SLC18A1: variants seen among roughly 807,000 people sequenced by gnomAD.
SLC18A1 encodes the protein chromaffin granule amine transporter.
In SLC18A1, 69 loss-of-function variants were observed where a neutral mutation model predicts 53.7. The ratio of observed to expected loss-of-function variants is 1.28; its 90% CI spans 1.06 to 1.57. The LOEUF is 1.57. Ranked by LOEUF, SLC18A1 falls within the 40% of genes most tolerant of loss-of-function variation. The pLI, the probability that SLC18A1 is intolerant of heterozygous loss-of-function variation, is 0.00. For missense variants in SLC18A1, 932 were observed against 668.1 expected, an observed-to-expected ratio of 1.40 and a Z score of -4.35; for synonymous variants, 320 against 248.1, an observed-to-expected ratio of 1.29 and a Z score of -2.72.
At chr8:20,175,226 A>C (rs2072226315) in intron 4 of SLC18A1, 1 of 152,264 alleles carries the variant, frequency 6.6e-6, no homozygotes, top group East Asian at 1.9e-4. Flanking sequence ...CTCCCTGAAC[A>C]TCTCCATTAT....
chr8:20,172,565 C>T lies in SLC18A1; in HGVS notation c.724+471G>A, dbSNP rs113999103. On this transcript the variant is annotated intron_variant, in intron 6 of 15. Transcript: ENST00000276373. ...TCGTTTGGGGCTTGGGTTTCCAAGC[C>T]CAGAAAATCGGAGTCTGTATCCTGG... Among the ~76,000 whole-genome samples, 626 of 152,154 alleles carry T rather than the reference C, an allele frequency of 4.1e-3. 7 individuals are homozygous for T. The highest frequency in any genetic ancestry group is 0.014 in the African/African-American group (598 of 41,492).
chr8:20,155,809 A>G (rs949469608), intron 10 of SLC18A1, among the ~76,000 whole-genome samples: 1 of 152,144 alleles, frequency 6.6e-6, no homozygotes. Context: ...CTTAGGCACC[A>G]AGGCTATGAA....
chr8:20,168,442 A>T (rs113446736), intron 8 of SLC18A1, among the ~76,000 whole-genome samples: 1 of 152,158 alleles, frequency 6.6e-6, no homozygotes, highest in Admixed American at 6.5e-5. Flanking sequence ...TGATAATATC[A>T]GATAAATAAA....
intron 8 of SLC18A1, among the ~76,000 whole-genome samples, chr8:20,165,540 C>T (rs1285385487): frequency 6.6e-6 from 1 of 152,204 alleles, no homozygotes; most frequent in Non-Finnish European, 1.5e-5. Flanking sequence ...GAAGCCATAA[C>T]TCAGAAAGCC....
intron 10 of SLC18A1, among the ~76,000 whole-genome samples, chr8:20,154,032 G>A (rs564881079): frequency 6.6e-6 from 1 of 152,118 alleles, no homozygotes; most frequent in Non-Finnish European, 1.5e-5. Context: ...TGCTCTGTAA[G>A]TTCACACAAG....
rs112212002 is a variant in SLC18A1 at position 20,178,405 on chromosome 8, A to C, written c.547+30T>G. ...TGATAAAATCAAAGGTAATCAGTGAAGGGAAGAAAAGAGGAAGCAAATTAC... is the reference window on the plus strand; with the variant it reads ...TGATAAAATCAAAGGTAATCAGTGACGGGAAGAAAAGAGGAAGCAAATTAC... On this transcript the variant is annotated intron_variant, in intron 4 of 15. Transcript: ENST00000276373. 5 of 1,575,504 alleles carry C rather than the reference A, an allele frequency of 3.2e-6. No individual in the cohort carries two copies. The African/African-American group carries it at 5.4e-5, about 17-fold the overall frequency.
chr8:20,149,769 C>A lies in SLC18A1; in HGVS notation c.1095-42G>T, dbSNP rs1222646538. On this transcript the variant is annotated intron_variant, in intron 11 of 15. Transcript: ENST00000276373. ...ATCATCAAACACCACTAGGGGAGAG[C>A]TCCCCTCCACCTGTACCCCATCACC... is the stretch of plus-strand genomic sequence containing the variant. 1.9e-6 allele frequency: 3 copies of A among 1,593,058 alleles called. No homozygotes were observed. In the Admixed American group the frequency reaches 5.0e-5, roughly 27 times the overall value.
chr8:20,157,657 A>T (rs2071716974), intron 10 of SLC18A1, among the ~76,000 whole-genome samples: 1 of 152,204 alleles, frequency 6.6e-6, no homozygotes, highest in Non-Finnish European at 1.5e-5. Context: ...ATCTTAAAAG[A>T]TAAGTTTATC....
chr8:20,146,811 T>G (rs1321081086), intron 15 of SLC18A1, among the ~76,000 whole-genome samples: 5 of 112,026 alleles, frequency 4.5e-5, no homozygotes, highest in Non-Finnish European at 5.3e-5. Context: ...GCAACAAGAG[T>G]GAAACTCCAT....
At chr8:20,177,011 G>T (rs553159371) in intron 4 of SLC18A1, among the ~76,000 whole-genome samples, 4 of 152,212 alleles carry the variant, frequency 2.6e-5, no homozygotes, top group Non-Finnish European at 5.9e-5. Context: ...CATTCTTTAT[G>T]TGACTATGGC....
rs2072256737 is a variant in SLC18A1, at chr8:20,176,535, A to AT, written c.547+1899dup. 2.6e-5 allele frequency among the ~76,000 whole-genome samples: 4 copies of AT among 152,150 alleles called. No homozygotes were observed. In the South Asian group the frequency reaches 8.3e-4, roughly 32 times the overall value. ...TCTATTTAGGAATACCAAAGCAATTATTTTTTTCACTTTGGACCCTTTACA... is the reference window on the plus strand; with the variant it reads ...TCTATTTAGGAATACCAAAGCAATTATTTTTTTTCACTTTGGACCCTTTACA... On this transcript the variant is annotated intron_variant, in intron 4 of 15. Coordinates refer to ENST00000276373, the MANE Select transcript of SLC18A1 (RefSeq NM_003053.4).
rs1043278090 is a variant in SLC18A1 at position 20,145,450 on chromosome 8, C to A, written c.*313G>T. ...TTCAGGGGCACATTACTCACTACCA[C>A]CTCTATGCAATGAGTCACCCCTTGC... is the stretch of plus-strand genomic sequence containing the variant. On this transcript the variant is annotated 3_prime_UTR_variant, in exon 16 of 16. Coordinates refer to ENST00000276373, the MANE Select transcript of SLC18A1 (RefSeq NM_003053.4). 1 of 211,080 alleles carries A rather than the reference C, an allele frequency of 4.7e-6. No individual in the cohort carries two copies. Among genetic ancestry groups the A allele is most frequent in the Non-Finnish European group, 9.4e-6 (1 of 106,362 alleles). 13.1% of individuals were successfully genotyped at this position (211,080 alleles called of 1,614,324 possible).
Position 20,174,349 on chromosome 8 carries a change from T to G in SLC18A1, c.631+12A>C. ...CTGCATGTGTGTGTGCATGATGAGTTGCCAGTGTTACCTGCAACAGATGAA... is the reference window on the plus strand; with the variant it reads ...CTGCATGTGTGTGTGCATGATGAGTGGCCAGTGTTACCTGCAACAGATGAA... On this transcript the variant is annotated intron_variant, in intron 5 of 15. Coordinates refer to ENST00000276373, the MANE Select transcript of SLC18A1 (RefSeq NM_003053.4). 6.3e-7 allele frequency: 1 copy of G among 1,598,744 alleles called. No individual in the cohort carries two copies. Among genetic ancestry groups the G allele is most frequent in the Non-Finnish European group, 8.6e-7 (1 of 1,166,078 alleles).
chr8:20,169,126 A>G (rs1276564238), intron 8 of SLC18A1, among the ~76,000 whole-genome samples: 1 of 152,212 alleles, frequency 6.6e-6, no homozygotes, highest in Non-Finnish European at 1.5e-5. Context: ...GACGGGCATT[A>G]AATACCTCCA....
Position 20,179,491 on chromosome 8 carries a change from G to A in SLC18A1, c.125-7C>T. On this transcript the variant is annotated splice_region_variant and splice_polypyrimidine_tract_variant and intron_variant, in intron 2 of 15. Transcript: ENST00000276373. ...AAGGTGGGCACAATTGGCACTGAAA[G>A]TCAAAGAGGACAGGTGATGGGGGCT... 6.2e-7 allele frequency: 1 copy of A among 1,604,536 alleles called. No individual in the cohort carries two copies. Among genetic ancestry groups the A allele is most frequent in the South Asian group, 1.1e-5 (1 of 89,792 alleles).
Position 20,171,476 on chromosome 8 carries a change from C to G in SLC18A1, c.743G>C (p.Ser248Thr). Residue 248 changes from serine (S) to threonine (T), a missense_variant, in exon 7 of 16, where the codon AGT (serine) becomes ACT (threonine). By Grantham distance (58) the Ser-to-Thr change is moderately conservative (BLOSUM62 1). Coordinates refer to ENST00000276373, the MANE Select transcript of SLC18A1 (RefSeq NM_003053.4). ...LGLLVGAPFG[S>T]VMYEFVGKSA... ...CTTCCCAACAAACTCGTACATTACA[C>G]TTCCAAAGGGAGCTCCCACTGGAGA... is the stretch of plus-strand genomic sequence containing the variant. 6.2e-7 allele frequency: 1 copy of G among 1,614,120 alleles called. No homozygotes were observed. Among genetic ancestry groups the G allele is most frequent in the South Asian group, 1.1e-5 (1 of 91,080 alleles).
chr8:20,151,152 T>TG (rs1563725685), intron 10 of SLC18A1, among the ~76,000 whole-genome samples: 53 of 125,496 alleles, frequency 4.2e-4, no homozygotes, highest in African/African-American at 1.3e-3. Flanking sequence ...TTTTTGTTTT[T>TG]TTTTTGTTTG....
In SLC18A1 at chr8:20,164,716, AC is replaced by A. The variant is rs913286060; in HGVS notation, c.1015+152del. Among the ~76,000 whole-genome samples the A allele has an allele frequency of 3.9e-5, 6 of 151,996 alleles. No individual in the cohort carries two copies. The South Asian group carries it at 6.2e-4, about 16-fold the overall frequency. On this transcript the variant is annotated intron_variant, in intron 10 of 15. Transcript: ENST00000276373. ...CTTTCTCAGACTGCTTCTCTGAGGGACCACACACCCTCTTGGGCTTGATTCA... is the reference window on the plus strand; with the variant it reads ...CTTTCTCAGACTGCTTCTCTGAGGGACACACACCCTCTTGGGCTTGATTCA...
intron 10 of SLC18A1, among the ~76,000 whole-genome samples, chr8:20,164,407 G>T (rs931563026): frequency 6.6e-6 from 1 of 152,166 alleles, no homozygotes; most frequent in Non-Finnish European, 1.5e-5. Context: ...GGAGAATGTG[G>T]ATGGTAATGG....
Sources: gnomAD v4.1 joint callset for allele counts (sites outside exome capture counted in the v4.1 genomes callset) on GRCh38, gnomAD v4.1.1 for gene constraint, MANE v1.5 for transcripts, NCBI Gene and HGNC (gene_info 2026-07-23, HGNC 2026-07-21) for gene names.